RAB15: variants seen among roughly 807,000 people sequenced by gnomAD.
RAB15 encodes RAB15, member RAS oncogene family.
In RAB15, 13 loss-of-function variants were observed where a neutral mutation model predicts 31.8. That is an observed-to-expected ratio of 0.41 (90% CI 0.27 to 0.65). RAB15 has a LOEUF of 0.65. RAB15 is among the 30% of genes least tolerant of loss of function. The probability of loss-of-function intolerance (pLI) is 0.32; values close to 1 mark genes in which losing one functional copy is unlikely to be tolerated. For missense variants in RAB15, 220 were observed against 277.3 expected (o/e 0.79, Z 1.47); for synonymous variants, 100 against 105.6 (o/e 0.95, Z 0.33).
chr14:64,960,347 G>C (rs574435020), intron 1 of RAB15, among the ~76,000 whole-genome samples: 26 of 152,296 alleles, frequency 1.7e-4, no homozygotes, highest in African/African-American at 6.0e-4. Context: ...GAGCAGGCAG[G>C]GCACATCCAC....
intron 1 of RAB15, among the ~76,000 whole-genome samples, chr14:64,956,816 GA>G (rs1886600621): frequency 6.6e-6 from 1 of 152,182 alleles, no homozygotes; most frequent in Non-Finnish European, 1.5e-5. Flanking sequence ...GTAGTTTCAA[GA>G]GCTATATATG....
At position 64,949,328 on chromosome 14, in the gene RAB15, A is replaced by T. The variant is rs1242435890; in HGVS notation, c.415-595T>A. 2.6e-5 allele frequency among the ~76,000 whole-genome samples: 4 copies of T among 152,336 alleles called. No homozygotes were observed. The East Asian group carries it at 5.8e-4, about 22-fold the overall frequency. On this transcript the variant is annotated intron_variant, in intron 5 of 6. Coordinates refer to ENST00000533601, the MANE Select transcript of RAB15 (RefSeq NM_001308154.2). Reference sequence around the variant, plus strand: ...GACCATGTCTTATATTTTATACCAAACAATCAATTTCATTTTAAGTACTAA... The same window carrying T: ...GACCATGTCTTATATTTTATACCAATCAATCAATTTCATTTTAAGTACTAA...
intron 1 of RAB15, among the ~76,000 whole-genome samples, chr14:64,966,515 T>C (rs745790967): frequency 6.7e-6 from 1 of 149,918 alleles, no homozygotes; most frequent in African/African-American, 2.5e-5. Flanking sequence ...AGAGAGATAC[T>C]CGGTCTCAAA....
At chr14:64,967,188 C>T (rs1887183384) in intron 1 of RAB15, among the ~76,000 whole-genome samples, 1 of 152,224 alleles carries the variant, frequency 6.6e-6, no homozygotes, top group Admixed American at 6.5e-5. Flanking sequence ...CCAGATCACC[C>T]TCCTCCTCAC....
rs1264122075 is a variant in RAB15, at chr14:64,962,671, C to T, written c.124+9282G>A. Among the ~76,000 whole-genome samples, 1 of 152,276 alleles carries T rather than the reference C, an allele frequency of 6.6e-6. No individual in the cohort carries two copies. The highest frequency in any genetic ancestry group is 2.1e-4 in the South Asian group (1 of 4,822). On this transcript the variant is annotated intron_variant, in intron 1 of 6. Transcript: ENST00000533601. The surrounding 1 kb of genome is among the most constrained non-coding windows in gnomAD (Gnocchi z 4.2). Reference sequence around the variant, plus strand: ...GATCCAAAGAATCAGGTAGAGGAAGCAGCAAAGATCCTGTGGCAGGACACA... The same window carrying T: ...GATCCAAAGAATCAGGTAGAGGAAGTAGCAAAGATCCTGTGGCAGGACACA...
intron 1 of RAB15, among the ~76,000 whole-genome samples, chr14:64,957,747 G>A (rs1886652517): frequency 6.6e-6 from 1 of 152,138 alleles, no homozygotes; most frequent in Admixed American, 6.5e-5. Flanking sequence ...GAAAGCTGGT[G>A]TCTTAAAACC....
chr14:64,965,341 C>A (rs1887080003), intron 1 of RAB15, among the ~76,000 whole-genome samples: 1 of 152,036 alleles, frequency 6.6e-6, no homozygotes, highest in South Asian at 2.1e-4. Context: ...TGCTTGTAAT[C>A]CCAGCTACTC....
Position 64,971,955 on chromosome 14 carries a change from A to G in RAB15, c.122T>C (p.Ile41Thr). 6.4e-7 allele frequency: 1 copy of G among 1,573,638 alleles called. No homozygotes were observed. The change falls in exon 1 of 7, where the codon ATC (isoleucine) becomes ACC (threonine). Residue 41 changes from isoleucine to threonine, a missense_variant and splice_region_variant. By Grantham distance (89) the Ile-to-Thr change is moderately conservative. Coordinates refer to ENST00000533601, the MANE Select transcript of RAB15 (RefSeq NM_001308154.2). This position sits in a 1 kb window ranked among gnomAD's most constrained non-coding sequence, Gnocchi z 4.1. ...NEFHSSHIST[I>T]GVDFKMKTIE... Reference sequence around the variant, plus strand: ...CGCCCCGGGCCACCGCCCCTTACCGATGGTGGAGATGTGCGAGGAGTGGAA... The same window carrying G: ...CGCCCCGGGCCACCGCCCCTTACCGGTGGTGGAGATGTGCGAGGAGTGGAA...
intron 1 of RAB15, among the ~76,000 whole-genome samples, chr14:64,964,818 G>A (rs1887046020): frequency 1.3e-5 from 2 of 152,024 alleles, no homozygotes; most frequent in Admixed American, 1.3e-4. Flanking sequence ...CTTGTGATCT[G>A]CCCACCTTGG....
intron 1 of RAB15, among the ~76,000 whole-genome samples, chr14:64,969,919 G>A (rs933443036): frequency 2.6e-5 from 4 of 152,172 alleles, no homozygotes; most frequent in African/African-American, 4.8e-5. Flanking sequence ...AGGAGAGCAC[G>A]AGCCTCAGAG....
chr14:64,971,817 T>C lies in RAB15; in HGVS notation c.124+136A>G. 1 of 818,228 alleles carries C rather than the reference T, an allele frequency of 1.2e-6. No individual in the cohort carries two copies. The highest frequency in any genetic ancestry group is 1.9e-6 in the Non-Finnish European group (1 of 526,632). 50.7% of individuals were successfully genotyped at this position (818,228 alleles called of 1,614,324 possible). On this transcript the variant is annotated intron_variant, in intron 1 of 6. Transcript: ENST00000533601. This position sits in a 1 kb window ranked among gnomAD's most constrained non-coding sequence, Gnocchi z 4.1. ...CAAAACCTATGCTCACCCCGAGATT[T>C]ATCCCGGACTCCGGCCTCCGGCGCC...
chr14:64,952,401 G>A lies in RAB15; in HGVS notation c.185+110C>T. 2.6e-6 allele frequency: 2 copies of A among 777,238 alleles called. No individual in the cohort carries two copies. The highest frequency in any genetic ancestry group is 1.7e-5 in the African/African-American group (1 of 57,224). 48.1% of individuals were successfully genotyped at this position (777,238 alleles called of 1,614,324 possible). Reference sequence around the variant, plus strand: ...CTTCGCTTCCATCCATCAGAGAGGTGGCCAGTTATCCCAGGTGAAGCCTAG... The same window carrying A: ...CTTCGCTTCCATCCATCAGAGAGGTAGCCAGTTATCCCAGGTGAAGCCTAG... On this transcript the variant is annotated intron_variant, in intron 2 of 6. Coordinates refer to ENST00000533601, the MANE Select transcript of RAB15 (RefSeq NM_001308154.2). The surrounding 1 kb of genome is among the most constrained non-coding windows in gnomAD (Gnocchi z 4.2).
At position 64,953,131 on chromosome 14, in the gene RAB15, A is replaced by G. The variant is rs1298816184; in HGVS notation, c.125-560T>C. 2.0e-5 allele frequency among the ~76,000 whole-genome samples: 3 copies of G among 152,202 alleles called. No individual in the cohort carries two copies. In the East Asian group the frequency reaches 5.8e-4, roughly 29 times the overall value. On this transcript the variant is annotated intron_variant, in intron 1 of 6. Transcript: ENST00000533601. The surrounding 1 kb of genome is among the most constrained non-coding windows in gnomAD (Gnocchi z 4.6). ...CAAGGCTCACCAAAAAGAAGGCCTC[A>G]TGCGTCTTGGTTGCTGACTCACTCA...
chr14:64,946,815 C>G lies in RAB15; in HGVS notation c.*1539G>C, dbSNP rs572712106. ...AATGACCCTCTTCCTAGGCCTCGCC[C>G]ACCTTGGGACGGTGGGCAGGAACCC... On this transcript the variant is annotated 3_prime_UTR_variant, in exon 7 of 7. Transcript: ENST00000533601. The G allele has an allele frequency of 6.6e-6, 1 of 151,930 alleles. No individual in the cohort carries two copies. 9.4% of individuals were successfully genotyped at this position (151,930 alleles called of 1,614,324 possible).
At chr14:64,956,665 C>T (rs906686163) in intron 1 of RAB15, among the ~76,000 whole-genome samples, 25 of 152,126 alleles carry the variant, frequency 1.6e-4, no homozygotes, top group African/African-American at 5.8e-4. Flanking sequence ...TGCAGAGCTT[C>T]GGCTTTAGAA....
chr14:64,963,109 CTTTTTTTTTTTTTTTT>C (rs1165246293), intron 1 of RAB15, among the ~76,000 whole-genome samples: 1 of 96,402 alleles, frequency 1.0e-5, no homozygotes, highest in South Asian at 3.6e-4. Flanking sequence ...CCCTTCCCCA[CTTTTTTTTTTTTTTTT>C]TTTTTTTTTT....
At position 64,968,154 on chromosome 14, in the gene RAB15, G is replaced by A. The variant is rs932823465; in HGVS notation, c.124+3799C>T. Among the ~76,000 whole-genome samples the A allele has an allele frequency of 1.3e-5, 2 of 152,138 alleles. No homozygotes were observed. Among genetic ancestry groups the A allele is most frequent in the Non-Finnish European group, 2.9e-5 (2 of 68,018 alleles). ...AAACAATGAGGAATAAGATTTGGTCGCACCATCAAGGCACTTATAATTTGG... is the reference window on the plus strand; with the variant it reads ...AAACAATGAGGAATAAGATTTGGTCACACCATCAAGGCACTTATAATTTGG... On this transcript the variant is annotated intron_variant, in intron 1 of 6. Transcript: ENST00000533601. The surrounding 1 kb of genome is among the most constrained non-coding windows in gnomAD (Gnocchi z 4.9).
In RAB15 at chr14:64,948,304, C is replaced by T. The variant is rs770184172; in HGVS notation, c.*50G>A. 1.1e-4 allele frequency: 165 copies of T among 1,447,594 alleles called. No homozygotes were observed. The highest frequency in any genetic ancestry group is 5.5e-4 in the Middle Eastern group (3 of 5,450). 89.7% of individuals were successfully genotyped at this position (1,447,594 alleles called of 1,614,324 possible). A position where few individuals can be genotyped will look rare whatever the true frequency, so the allele number is the denominator to read the frequency against. ...AAGCCCCGGCTCCCCTGTCTGCCCA[C>T]GGGCCTCCTGAGGGAAGAGGGGTGT... On this transcript the variant is annotated 3_prime_UTR_variant, in exon 7 of 7. Coordinates refer to ENST00000533601, the MANE Select transcript of RAB15 (RefSeq NM_001308154.2). This position sits in a 1 kb window ranked among gnomAD's most constrained non-coding sequence, Gnocchi z 7.0.
Position 64,948,827 on chromosome 14 carries a change from A to C in RAB15, c.415-94T>G. The stretch of plus-strand genomic sequence containing the variant: ...GGCTTCTGCCACTGCACTCACAACC[A>C]TGCTGTGTTGTGACGATTTCTCAGA... On this transcript the variant is annotated intron_variant, in intron 5 of 6. Coordinates refer to ENST00000533601, the MANE Select transcript of RAB15 (RefSeq NM_001308154.2). The surrounding 1 kb of genome is among the most constrained non-coding windows in gnomAD (Gnocchi z 7.0). 1 of 1,081,992 alleles carries C rather than the reference A, an allele frequency of 9.2e-7. No homozygotes were observed. Among genetic ancestry groups the C allele is most frequent in the Non-Finnish European group, 1.4e-6 (1 of 716,122 alleles). The allele number at this position is 1,081,992 out of a possible 1,614,324, so 67.0% of individuals were successfully genotyped here. A position where few individuals can be genotyped will look rare whatever the true frequency, so the allele number is the denominator to read the frequency against.
Sources: gnomAD v4.1 joint callset for allele counts (sites outside exome capture counted in the v4.1 genomes callset) on GRCh38, gnomAD v4.1.1 for gene constraint, Gnocchi (gnomAD v3.1) non-coding constraint, MANE v1.5 for transcripts, NCBI Gene and HGNC (gene_info 2026-07-23, HGNC 2026-07-21) for gene names.